The following KIAA2012 variants were observed in gnomAD, a reference collection of about 807,000 sequenced individuals.
KIAA2012 encodes uncharacterized protein KIAA2012.
A neutral mutation model predicts 150.6 loss-of-function variants in KIAA2012; 125 were observed. The ratio of observed to expected loss-of-function variants is 0.83; its 90% CI spans 0.72 to 0.96. The LOEUF is 0.96. Ranked by LOEUF, KIAA2012 falls within the 40% of genes least tolerant of loss-of-function variation. The pLI is 0.00. For missense variants in KIAA2012, 1,219 were observed against 1,354.9 expected (o/e 0.90, Z 1.57); for synonymous variants, 462 against 504.7 (o/e 0.92, Z 1.13).
chr2:202,128,169 G>A (rs1247697585), intron 12 of KIAA2012, among the ~76,000 whole-genome samples: 2 of 152,148 alleles, frequency 1.3e-5, no homozygotes, highest in South Asian at 4.2e-4. Flanking sequence ...ACCAACATGT[G>A]CACAATGAAC....
At chr2:202,083,830 G>T (rs1027261357) in intron 2 of KIAA2012, among the ~76,000 whole-genome samples, 1 of 152,200 alleles carries the variant, frequency 6.6e-6, no homozygotes, top group Non-Finnish European at 1.5e-5. Context: ...TTGTGCCCCA[G>T]TGACATTTTG....
chr2:202,081,225 C>A lies in KIAA2012; in HGVS notation c.369+6050C>A, dbSNP rs74859620. On this transcript the variant is annotated intron_variant, in intron 2 of 23. Coordinates refer to ENST00000498697, the MANE Select transcript of KIAA2012 (RefSeq NM_001277372.4). ...AGTAATAGTCCCTTGTATGTATACA[C>A]CACATCTTGTTTTTCCATTCTTCCA... Among the ~76,000 whole-genome samples the A allele has an allele frequency of 1.9e-3, 297 of 152,310 alleles. 2 individuals are homozygous for A. The highest frequency in any genetic ancestry group is 6.9e-3 in the African/African-American group (285 of 41,562).
chr2:202,124,229 C>T (rs1690723753), intron 11 of KIAA2012, among the ~76,000 whole-genome samples: 1 of 152,040 alleles, frequency 6.6e-6, no homozygotes, highest in Non-Finnish European at 1.5e-5. Context: ...ATAGGACCCA[C>T]TCAATTGACC....
intron 2 of KIAA2012, among the ~76,000 whole-genome samples, chr2:202,089,357 C>A (rs1689660461): frequency 6.6e-6 from 1 of 152,202 alleles, no homozygotes; most frequent in Non-Finnish European, 1.5e-5. Context: ...GGGAAACTCA[C>A]TGAGGCACCT....
chr2:202,165,174 A>G (rs1339725024), intron 14 of KIAA2012, 110 bp from the exon 15 acceptor site: 2 of 991,176 alleles, frequency 2.0e-6, no homozygotes, highest in Admixed American at 2.5e-5. Flanking sequence ...AGAAGAAACC[A>G]CTAAGAAAAC....
chr2:202,125,335 T>C, intron 12 of KIAA2012, 53 bp downstream of exon 12: 2 of 1,367,528 alleles, frequency 1.5e-6, no homozygotes, highest in South Asian at 2.5e-5. Context: ...ATTTGACTCA[T>C]GATCATATTA....
Position 202,193,280 on chromosome 2 carries a change from GA to G in KIAA2012, c.2812-20del. The stretch of plus-strand genomic sequence containing the variant: ...GACAGACCCATCTGTTTATTGCACT[GA>G]GAACACTCTGGTTTCTTAGGCCCTC... On this transcript the variant is annotated intron_variant, in intron 19 of 23. Transcript: ENST00000498697. 3.9e-6 allele frequency: 6 copies of G among 1,547,900 alleles called. No homozygotes were observed. Among genetic ancestry groups the G allele is most frequent in the Non-Finnish European group, 5.2e-6 (6 of 1,146,314 alleles).
In KIAA2012 at chr2:202,090,651, C is replaced by A. The variant is rs1052437915; in HGVS notation, c.370-119C>A. On this transcript the variant is annotated intron_variant, in intron 2 of 23. Transcript: ENST00000498697. The stretch of plus-strand genomic sequence containing the variant: ...TTAGCCGAGGCATCTGTTTTTGGTG[C>A]CTTCTGGCACCTTCTGGGAGTTTCC... 6.8e-6 allele frequency: 8 copies of A among 1,183,888 alleles called. 1 individual carries two copies. The highest frequency in any genetic ancestry group is 4.4e-5 in the South Asian group (2 of 45,014). 73.3% of individuals were successfully genotyped at this position (1,183,888 alleles called of 1,614,324 possible). A position where few individuals can be genotyped will look rare whatever the true frequency, so the allele number is the denominator to read the frequency against.
intron 3 of KIAA2012, among the ~76,000 whole-genome samples, chr2:202,092,616 G>C (rs977872784): frequency 6.6e-6 from 1 of 152,140 alleles, no homozygotes; most frequent in African/African-American, 2.4e-5. Context: ...GGCCCATTGG[G>C]AAGTCCTCAA....
chr2:202,102,586 A>G (rs1690075622), intron 7 of KIAA2012, among the ~76,000 whole-genome samples: 1 of 152,208 alleles, frequency 6.6e-6, no homozygotes, highest in Non-Finnish European at 1.5e-5. Flanking sequence ...TTTTCCCTTA[A>G]CAGCATATGC....
chr2:202,078,046 C>T (rs1025241550), intron 2 of KIAA2012, among the ~76,000 whole-genome samples: 2 of 152,190 alleles, frequency 1.3e-5, no homozygotes, highest in African/African-American at 4.8e-5. Flanking sequence ...GGGGCTGATA[C>T]CTTTTGATTC....
intron 19 of KIAA2012, among the ~76,000 whole-genome samples, chr2:202,192,427 C>T (rs1041973161): frequency 1.3e-5 from 2 of 150,618 alleles, no homozygotes; most frequent in African/African-American, 4.9e-5. Context: ...CCATCTATAC[C>T]TAAGATTGCC....
At chr2:202,175,866 C>T (rs1691979728) in intron 15 of KIAA2012, among the ~76,000 whole-genome samples, 1 of 152,078 alleles carries the variant, frequency 6.6e-6, no homozygotes. Flanking sequence ...AAAAATAAAA[C>T]TGTGTGCTAT....
intron 13 of KIAA2012, 23 bp downstream of exon 13, chr2:202,138,531 G>A (rs1366873857): frequency 6.6e-7 from 1 of 1,523,050 alleles, no homozygotes; most frequent in African/African-American, 1.4e-5. Flanking sequence ...CTCTGAATGA[G>A]GATGACACTA....
At chr2:202,115,629 A>T (rs1450401966) in intron 11 of KIAA2012, 3 of 152,080 alleles carry the variant, frequency 2.0e-5, no homozygotes, top group Non-Finnish European at 2.9e-5. Context: ...CCTAGAGAAC[A>T]TCTCATCTCC....
chr2:202,082,822 A>G (rs1689480956), intron 2 of KIAA2012, among the ~76,000 whole-genome samples: 3 of 149,392 alleles, frequency 2.0e-5, no homozygotes, highest in Admixed American at 1.4e-4. Flanking sequence ...AACTTTTGTA[A>G]ATGGTGTACG....
intron 22 of KIAA2012, chr2:202,201,768 G>T: frequency 7.6e-7 from 1 of 1,321,028 alleles, no homozygotes; most frequent in Non-Finnish European, 1.1e-6. Flanking sequence ...TGAGTAGGCA[G>T]TCGGAGCATC....
chr2:202,087,330 T>C (rs1355176493), intron 2 of KIAA2012, among the ~76,000 whole-genome samples: 1 of 151,832 alleles, frequency 6.6e-6, no homozygotes, highest in Non-Finnish European at 1.5e-5. Flanking sequence ...CTGGCCAACA[T>C]GGTGAAACCC....
At chr2:202,120,737 G>A (rs1690635639) in intron 11 of KIAA2012, among the ~76,000 whole-genome samples, 1 of 151,972 alleles carries the variant, frequency 6.6e-6, no homozygotes, top group African/African-American at 2.4e-5. Flanking sequence ...TCCCCTCCTA[G>A]ATTTAAAATT....
Sources: gnomAD v4.1 joint callset for allele counts (sites outside exome capture counted in the v4.1 genomes callset) on GRCh38, gnomAD v4.1.1 for gene constraint, MANE v1.5 for transcripts, NCBI Gene and HGNC (gene_info 2026-07-23, HGNC 2026-07-21) for gene names.